The following RTN4RL1 variants were observed in gnomAD, a reference collection of about 807,000 sequenced individuals.
The protein encoded by RTN4RL1 is reticulon 4 receptor like 1, also known as reticulon-4 receptor-like 1.
A neutral mutation model predicts 25.6 loss-of-function variants in RTN4RL1; 7 were observed. The observed-to-expected ratio is 0.27, with a 90% CI of 0.16 to 0.51. The LOEUF is 0.51. Ranked by LOEUF, RTN4RL1 falls within the 20% of genes least tolerant of loss-of-function variation. The probability of loss-of-function intolerance (pLI) is 0.97; values close to 1 mark genes in which losing one functional copy is unlikely to be tolerated. For missense variants in RTN4RL1, 500 were observed against 615.6 expected (o/e 0.81, Z 1.99); for synonymous variants, 297 against 288.2 (o/e 1.03, Z -0.31).
Position 1,964,664 on chromosome 17 carries a change from G to A in RTN4RL1, c.14-26856C>T, listed in dbSNP as rs535593929. On this transcript the variant is annotated intron_variant, in intron 1 of 1. Transcript: ENST00000331238. ...GGAGAATGGCGTGAACCTGGGAGGC[G>A]GAGCTTGCAGTGAGCCGAGATCACA... is the stretch of plus-strand genomic sequence containing the variant. Among the ~76,000 whole-genome samples, 56 of 151,132 alleles carry A rather than the reference G, an allele frequency of 3.7e-4. No individual in the cohort carries two copies. In the South Asian group the frequency reaches 0.011, roughly 29 times the overall value.
chr17:1,952,957 G>A (rs1915714216), intron 1 of RTN4RL1, among the ~76,000 whole-genome samples: 2 of 151,724 alleles, frequency 1.3e-5, no homozygotes, highest in Admixed American at 1.3e-4. Context: ...TGCCTCTGTA[G>A]TCCCAGCTAC....
chr17:2,005,767 T>TC (rs1170162721), intron 1 of RTN4RL1, among the ~76,000 whole-genome samples: 6 of 104,836 alleles, frequency 5.7e-5, no homozygotes, highest in Non-Finnish European at 8.4e-5. Context: ...CTCTCTCTCC[T>TC]TCTCTTTCTT....
chr17:1,974,040 G>GAAAAA (rs57063033), intron 1 of RTN4RL1, among the ~76,000 whole-genome samples: 4 of 96,988 alleles, frequency 4.1e-5, no homozygotes, highest in South Asian at 4.2e-4. Context: ...CTCCGTCTCA[G>GAAAAA]AAAAAAAAAA....
At chr17:1,970,393 C>A (rs2066813434) in intron 1 of RTN4RL1, among the ~76,000 whole-genome samples, 1 of 152,148 alleles carries the variant, frequency 6.6e-6, no homozygotes, top group Non-Finnish European at 1.5e-5. Flanking sequence ...TACCTGGTGG[C>A]TCTGAGCTCC....
At chr17:1,969,332 C>T (rs7220477) in intron 1 of RTN4RL1, among the ~76,000 whole-genome samples, 12,888 of 152,108 alleles carry the variant, frequency 0.085, 727 homozygotes, top group African/African-American at 0.12. Context: ...GCTGGGATTA[C>T]AGGCATGAGC....
chr17:1,944,082 C>T (rs932537354), intron 1 of RTN4RL1, among the ~76,000 whole-genome samples: 2 of 152,178 alleles, frequency 1.3e-5, no homozygotes, highest in African/African-American at 2.4e-5. Flanking sequence ...CACACCACCA[C>T]GCTCCGTGAA....
chr17:1,974,858 C>A (rs2066836137), intron 1 of RTN4RL1, among the ~76,000 whole-genome samples: 1 of 152,246 alleles, frequency 6.6e-6, no homozygotes, highest in Admixed American at 6.5e-5. Context: ...TCAGCATAGG[C>A]CAGCTTCCCA....
chr17:1,945,073 C>T (rs957617341), intron 1 of RTN4RL1, among the ~76,000 whole-genome samples: 1 of 152,182 alleles, frequency 6.6e-6, no homozygotes, highest in Non-Finnish European at 1.5e-5. Context: ...GATGCTCCAC[C>T]TCTAGCCTTT....
intron 1 of RTN4RL1, among the ~76,000 whole-genome samples, chr17:1,956,210 C>T (rs1915789225): frequency 6.6e-6 from 1 of 152,110 alleles, no homozygotes; most frequent in East Asian, 1.9e-4. Context: ...CAGAGGGGCC[C>T]CACCACCCAG....
rs899636339 is a variant in RTN4RL1, at chr17:1,949,170, C to G, written c.14-11362G>C. On this transcript the variant is annotated intron_variant, in intron 1 of 1. Coordinates refer to ENST00000331238, the MANE Select transcript of RTN4RL1 (RefSeq NM_178568.4). ...TAGAGACGGGGTTTTCTTGTGTTAG[C>G]CAGGGTGTTCTCAATCTCCGAACCT... 1.6e-4 allele frequency among the ~76,000 whole-genome samples: 25 copies of G among 152,070 alleles called. 1 individual carries two copies. The highest frequency in any genetic ancestry group is 8.3e-4 in the South Asian group (4 of 4,828).
chr17:1,965,095 G>T (rs71360502), intron 1 of RTN4RL1, among the ~76,000 whole-genome samples: 42,499 of 146,772 alleles, frequency 0.29, 6,450 homozygotes, highest in Admixed American at 0.41. Flanking sequence ...CTTACAGTTT[G>T]CTTTTCTTTT....
Position 2,024,741 on chromosome 17 carries a change from C to T in RTN4RL1, c.13+112G>A, listed in dbSNP as rs2067250803. 3 of 1,113,592 alleles carry T rather than the reference C, an allele frequency of 2.7e-6. No individual in the cohort carries two copies. In the Admixed American group the frequency reaches 8.6e-5, roughly 32 times the overall value. 69.0% of individuals were successfully genotyped at this position (1,113,592 alleles called of 1,614,324 possible). On this transcript the variant is annotated intron_variant, in intron 1 of 1. Transcript: ENST00000331238. Reference sequence around the variant, plus strand: ...GGGTGCGCCCGGCAAAACCCACCAGCCCGCCGGGGGCTACTTCCCAGACCG... The same window carrying T: ...GGGTGCGCCCGGCAAAACCCACCAGTCCGCCGGGGGCTACTTCCCAGACCG...
At chr17:1,973,526 A>T (rs932065490) in intron 1 of RTN4RL1, among the ~76,000 whole-genome samples, 5 of 151,416 alleles carry the variant, frequency 3.3e-5, no homozygotes, top group Admixed American at 3.3e-4. Flanking sequence ...TCAAAAAAAA[A>T]AAAAGCAATC....
intron 1 of RTN4RL1, among the ~76,000 whole-genome samples, chr17:1,953,106 T>C (rs11870364): frequency 0.45 from 67,408 of 151,204 alleles, 15,931 homozygotes; most frequent in Middle Eastern, 0.57. Flanking sequence ...AATAAATAAA[T>C]ATTAAAAAAT....
intron 1 of RTN4RL1, among the ~76,000 whole-genome samples, chr17:1,999,706 A>G (rs1211631599): frequency 6.7e-6 from 1 of 150,334 alleles, no homozygotes; most frequent in Non-Finnish European, 1.5e-5. Flanking sequence ...AGGCACACAC[A>G]CTCTTGCGTG....
chr17:1,998,973 C>G lies in RTN4RL1; in HGVS notation c.13+25880G>C, dbSNP rs539765012. Among the ~76,000 whole-genome samples, 1 of 152,166 alleles carries G rather than the reference C, an allele frequency of 6.6e-6. No homozygotes were observed. The highest frequency in any genetic ancestry group is 2.4e-5 in the African/African-American group (1 of 41,430). On this transcript the variant is annotated intron_variant, in intron 1 of 1. Coordinates refer to ENST00000331238, the MANE Select transcript of RTN4RL1 (RefSeq NM_178568.4). The surrounding 1 kb of genome is among the most constrained non-coding windows in gnomAD (Gnocchi z 4.9). ...TGTGCACAACTGAAGAGCTGCTCCC[C>G]CTTCCCTGCACGATGCCATCCTCTC... is the stretch of plus-strand genomic sequence containing the variant.
At chr17:1,947,703 G>A (rs1423054793) in intron 1 of RTN4RL1, among the ~76,000 whole-genome samples, 1 of 152,196 alleles carries the variant, frequency 6.6e-6, no homozygotes, top group Non-Finnish European at 1.5e-5. Flanking sequence ...GCCACCCCCA[G>A]CTCCCCTACC....
intron 1 of RTN4RL1, among the ~76,000 whole-genome samples, chr17:1,967,902 A>C (rs1055790520): frequency 6.6e-6 from 1 of 151,914 alleles, no homozygotes; most frequent in Non-Finnish European, 1.5e-5. Context: ...CAGCCTCCCA[A>C]AGTGCTGGGA....
Position 1,936,120 on chromosome 17 carries a change from G to A in RTN4RL1, c.*376C>T. ...GTCCTGCTTTCTCCAGGAACCACGGGGCCCTCCAGACCTCTCGGAACGATC... is the reference window on the plus strand; with the variant it reads ...GTCCTGCTTTCTCCAGGAACCACGGAGCCCTCCAGACCTCTCGGAACGATC... On this transcript the variant is annotated 3_prime_UTR_variant, in exon 2 of 2. Transcript: ENST00000331238. The A allele has an allele frequency of 9.6e-7, 1 of 1,041,434 alleles. No homozygotes were observed. Among genetic ancestry groups the A allele is most frequent in the East Asian group, 8.1e-5 (1 of 12,416 alleles). 64.5% of individuals were successfully genotyped at this position (1,041,434 alleles called of 1,614,324 possible). A position where few individuals can be genotyped will look rare whatever the true frequency, so the allele number is the denominator to read the frequency against.
Sources: allele counts gnomAD v4.1 joint callset (sites outside exome capture counted in the v4.1 genomes callset), GRCh38; gene constraint gnomAD v4.1.1; non-coding constraint Gnocchi (gnomAD v3.1); transcripts MANE v1.5; gene names NCBI Gene and HGNC (gene_info 2026-07-23, HGNC 2026-07-21).